The following ZNF823 variants were observed in gnomAD, a reference collection of about 807,000 sequenced individuals.
ZNF823 encodes the protein ZFP 36 for a zinc finger protein.
Under a neutral mutation model 11.4 loss-of-function variants are expected in ZNF823, and 5 were observed. The observed-to-expected ratio is 0.44, with a 90% CI of 0.23 to 0.92. The LOEUF is 0.92. Among genes scored for constraint, ZNF823 ranks in the 40% least tolerant of loss-of-function variants. The pLI is 0.24. For synonymous variants in ZNF823, 234 were observed against 250.5 expected (o/e 0.93, Z 0.62); for missense variants, 582 against 738.5 (o/e 0.79, Z 2.46).
intron 2 of ZNF823, 120 bp downstream of exon 2, chr19:11,725,081 A>T: frequency 7.4e-7 from 1 of 1,347,374 alleles, no homozygotes; most frequent in Non-Finnish European, 1.0e-6. Flanking sequence ...ACACCTCTAA[A>T]CCCTGTGTTG....
chr19:11,738,832 A>G lies in ZNF823; in HGVS notation c.-13T>C, dbSNP rs1394409660. 1 of 1,609,184 alleles carries G rather than the reference A, an allele frequency of 6.2e-7. No individual in the cohort carries two copies. Among genetic ancestry groups the G allele is most frequent in the Non-Finnish European group, 8.5e-7 (1 of 1,177,860 alleles). On this transcript the variant is annotated 5_prime_UTR_variant, in exon 1 of 4. Transcript: ENST00000341191. Reference sequence around the variant, plus strand: ...GCACACTCACCATTTCCCAGCTTCCAGGTGTCCGGGTGTCCTCCTTAAAAG... The same window carrying G: ...GCACACTCACCATTTCCCAGCTTCCGGGTGTCCGGGTGTCCTCCTTAAAAG...
At position 11,722,990 on chromosome 19, in the gene ZNF823, G is replaced by A. The variant is rs749973448; in HGVS notation, c.544C>T (p.His182Tyr). 6.2e-7 allele frequency: 1 copy of A among 1,614,212 alleles called. No homozygotes were observed. Among genetic ancestry groups the A allele is most frequent in the Non-Finnish European group, 8.5e-7 (1 of 1,180,050 alleles). Residue 182 changes from histidine (H) to tyrosine (Y), a missense_variant, in exon 4 of 4, where the codon CAC becomes TAC. Around this residue, in one of 3 missense-constraint regions of ZNF823, gnomAD observed 429 missense variants for 553.7 expected, o/e 0.77. Coordinates refer to ENST00000341191, the MANE Select transcript of ZNF823 (RefSeq NM_001080493.4). The surrounding 1 kb of genome is among the most constrained non-coding windows in gnomAD (Gnocchi z 5.2). ...CCATCTCCATGGTGTGCCGCCATGT[G>A]TCTTCGGAGGTTTCCAAGAGAACTA... is the stretch of plus-strand genomic sequence containing the variant. The part of the protein sequence containing the change: ...TFSSLGNLRR[H>Y]MAAHHGDGPY...
At chr19:11,728,108 A>C (rs1004865875) in intron 1 of ZNF823, among the ~76,000 whole-genome samples, 13 of 152,016 alleles carry the variant, frequency 8.6e-5, no homozygotes, top group Non-Finnish European at 1.5e-4. Context: ...CGATCTCCTG[A>C]CCTCGTAATC....
At chr19:11,732,640 A>AC (rs1398945645) in intron 1 of ZNF823, among the ~76,000 whole-genome samples, 1 of 150,136 alleles carries the variant, frequency 6.7e-6, no homozygotes, top group East Asian at 2.0e-4. Context: ...TCACGGTGTT[A>AC]GCCAGGATGG....
Position 11,738,879 on chromosome 19 carries a change from C to T in ZNF823, c.-60G>A. 1 of 1,586,548 alleles carries T rather than the reference C, an allele frequency of 6.3e-7. No homozygotes were observed. The highest frequency in any genetic ancestry group is 1.1e-5 in the South Asian group (1 of 87,150). ...AAAGCCAGTGTGGGTCCCAGCGCGACAGACGCTGATACAGACCTTCCAGGG... is the reference window on the plus strand; with the variant it reads ...AAAGCCAGTGTGGGTCCCAGCGCGATAGACGCTGATACAGACCTTCCAGGG... On this transcript the variant is annotated 5_prime_UTR_variant, in exon 1 of 4. Coordinates refer to ENST00000341191, the MANE Select transcript of ZNF823 (RefSeq NM_001080493.4).
At chr19:11,725,029 CA>C (rs1260861252) in intron 2 of ZNF823, among the ~76,000 whole-genome samples, 171 bp downstream of exon 2, 1 of 152,066 alleles carries the variant, frequency 6.6e-6, no homozygotes, top group East Asian at 1.9e-4. Context: ...TTGCGGGGGA[CA>C]AAAAAAGTTA....
At chr19:11,737,227 C>T (rs1213150624) in intron 1 of ZNF823, among the ~76,000 whole-genome samples, 2 of 152,104 alleles carry the variant, frequency 1.3e-5, no homozygotes, top group Admixed American at 6.5e-5. Flanking sequence ...TCTGTGTAGA[C>T]AAGATAAAGG....
chr19:11,729,367 G>C (rs369052369), intron 1 of ZNF823, among the ~76,000 whole-genome samples: 6 of 152,232 alleles, frequency 3.9e-5, no homozygotes, highest in African/African-American at 1.2e-4. Flanking sequence ...GAAAGATACA[G>C]GGGATGAAGA....
At chr19:11,723,406 T>G in intron 3 of ZNF823, 64 bp from the exon 4 acceptor site, 1 of 1,289,664 alleles carries the variant, frequency 7.8e-7, no homozygotes, top group Non-Finnish European at 1.0e-6. Flanking sequence ...TATATTGAAG[T>G]ACTAGATTTA....
chr19:11,726,045 T>C (rs1056285229), intron 1 of ZNF823: 1 of 135,632 alleles, frequency 7.4e-6, no homozygotes, highest in Non-Finnish European at 1.5e-5. Flanking sequence ...CTGGGAAACA[T>C]GGTGAGACCT....
At chr19:11,733,145 G>A (rs1358521254) in intron 1 of ZNF823, among the ~76,000 whole-genome samples, 1 of 151,846 alleles carries the variant, frequency 6.6e-6, no homozygotes, top group Admixed American at 6.6e-5. Flanking sequence ...GAGGTGGGCA[G>A]ATCATGAGGT....
rs1974690392 is a variant in ZNF823 at position 11,721,977 on chromosome 19, C to T, written c.1557G>A (p.Arg519=). The T allele has an allele frequency of 3.7e-6, 6 of 1,613,900 alleles. No homozygotes were observed. The highest frequency in any genetic ancestry group is 2.2e-5 in the South Asian group (2 of 91,072). ...CATATGGCTTCTCTCCAGAGTGAAT[C>T]CTTTCATGGACTTTTAAGTTACTGA... ...SHFSNLKVHE[R]IHSGEKPYEC... Residue 519 remains arginine (R), a synonymous_variant, in exon 4 of 4, where the codon AGG becomes AGA. Coordinates refer to ENST00000341191, the MANE Select transcript of ZNF823 (RefSeq NM_001080493.4).
rs759517706 is a variant in ZNF823 at position 11,722,952 on chromosome 19, A to C, written c.582T>G (p.Cys194Trp). The change falls in exon 4 of 4, where the codon TGT (cysteine) becomes TGG (tryptophan). Residue 194 changes from cysteine to tryptophan, a missense_variant. Cys to Trp is a radical substitution (Grantham distance 215, BLOSUM62 -2). This residue lies in a region of ZNF823 where 429 missense variants were observed against 553.7 expected (regional missense o/e 0.77). Coordinates refer to ENST00000341191, the MANE Select transcript of ZNF823 (RefSeq NM_001080493.4). This position sits in a 1 kb window ranked among gnomAD's most constrained non-coding sequence, Gnocchi z 5.2. ...AAACAAAGGCTTTCCCACACAACTT[A>C]CATTTATAAGGTCCATCTCCATGGT... is the stretch of plus-strand genomic sequence containing the variant. ...AAHHGDGPYK[C>W]KLCGKAFVWP... 4 of 1,614,196 alleles carry C rather than the reference A, an allele frequency of 2.5e-6. No individual in the cohort carries two copies. In the East Asian group the frequency reaches 8.9e-5, roughly 36 times the overall value.
intron 1 of ZNF823, among the ~76,000 whole-genome samples, chr19:11,733,195 C>T (rs578016329): frequency 1.5e-3 from 220 of 151,680 alleles, no homozygotes; most frequent in Middle Eastern, 3.4e-3. Context: ...GGTGAAACCC[C>T]GTCTCTAATA....
intron 1 of ZNF823, among the ~76,000 whole-genome samples, chr19:11,737,596 A>C (rs1975017683): frequency 6.9e-6 from 1 of 144,480 alleles, no homozygotes; most frequent in African/African-American, 2.5e-5. Flanking sequence ...CACTGGAGTC[A>C]AGTGGTTATT....
At chr19:11,732,545 C>T (rs1276612441) in intron 1 of ZNF823, among the ~76,000 whole-genome samples, 1 of 151,344 alleles carries the variant, frequency 6.6e-6, no homozygotes, top group African/African-American at 2.4e-5. Flanking sequence ...GTGATCGGCC[C>T]GCCTCAGCCT....
At chr19:11,730,737 G>A (rs145215879) in intron 1 of ZNF823, 67 of 152,172 alleles carry the variant, frequency 4.4e-4, no homozygotes, top group African/African-American at 1.5e-3. Context: ...ATGCACACAT[G>A]GTCTGCCAGT....
Position 11,738,802 on chromosome 19 carries a change from G to A in ZNF823, c.3+15C>T, listed in dbSNP as rs559679168. On this transcript the variant is annotated intron_variant, in intron 1 of 3. Coordinates refer to ENST00000341191, the MANE Select transcript of ZNF823 (RefSeq NM_001080493.4). ...CCCCTTCTTTGCCTCGGGACGCCGG[G>A]CCCCGCACACTCACCATTTCCCAGC... is the stretch of plus-strand genomic sequence containing the variant. 1.6e-4 allele frequency: 252 copies of A among 1,609,952 alleles called. 2 individuals are homozygous for A. The South Asian group carries it at 2.7e-3, about 17-fold the overall frequency.
rs1406965715 is a variant in ZNF823 at position 11,722,203 on chromosome 19, T to C, written c.1331A>G (p.Tyr444Cys). 3.1e-6 allele frequency: 5 copies of C among 1,614,152 alleles called. No individual in the cohort carries two copies. Among genetic ancestry groups the C allele is most frequent in the Non-Finnish European group, 4.2e-6 (5 of 1,180,020 alleles). Residue 444 changes from tyrosine (Y) to cysteine (C), a missense_variant, in exon 4 of 4, where the codon TAT becomes TGT. Physicochemically the swap from Tyr to Cys is radical, Grantham distance 194. Transcript: ENST00000341191. The surrounding 1 kb of genome is among the most constrained non-coding windows in gnomAD (Gnocchi z 5.2). ...HEATHTGVKP[Y>C]KCQCGKAFSD... ...AAAGGCTTTCCCACACTGACATTTA[T>C]AGGGTTTCACTCCAGTGTGAGTTGC...
Sources: allele counts gnomAD v4.1 joint callset (sites outside exome capture counted in the v4.1 genomes callset), GRCh38; gene constraint gnomAD v4.1.1; regional missense constraint gnomAD v4.1.1; non-coding constraint Gnocchi (gnomAD v3.1); transcripts MANE v1.5; gene names NCBI Gene and HGNC (gene_info 2026-07-23, HGNC 2026-07-21).